PPP1R9A: variants seen among roughly 807,000 people sequenced by gnomAD.
PPP1R9A encodes the protein protein phosphatase 1 regulatory subunit 9A.
A neutral mutation model predicts 141.9 loss-of-function variants in PPP1R9A; 59 were observed. The ratio of observed to expected loss-of-function variants is 0.42; its 90% CI spans 0.34 to 0.52. PPP1R9A has a LOEUF of 0.52. Ranked by LOEUF, PPP1R9A falls within the 20% of genes least tolerant of loss-of-function variation. The pLI is 0.10. For missense variants in PPP1R9A, 1,444 were observed against 1,611.9 expected (o/e 0.90, Z 1.78); for synonymous variants, 500 against 569.7 (o/e 0.88, Z 1.74).
chr7:94,966,928 G>A lies in PPP1R9A; in HGVS notation c.1395+55420G>A, dbSNP rs114560598. 4.3e-3 allele frequency among the ~76,000 whole-genome samples: 649 copies of A among 152,240 alleles called. 4 individuals carry two copies. The highest frequency in any genetic ancestry group is 0.015 in the African/African-American group (633 of 41,546). Reference sequence around the variant, plus strand: ...TTTGTACCTTTGGTAGCATTTGGCTGTGAATTCGTCTGGTCCTGGGCTTTT... The same window carrying A: ...TTTGTACCTTTGGTAGCATTTGGCTATGAATTCGTCTGGTCCTGGGCTTTT... On this transcript the variant is annotated intron_variant, in intron 2 of 19. Transcript: ENST00000433360.
chr7:95,211,804 T>C (rs1792193210), intron 7 of PPP1R9A, among the ~76,000 whole-genome samples: 1 of 151,996 alleles, frequency 6.6e-6, no homozygotes, highest in Admixed American at 6.6e-5. Flanking sequence ...CTGGACAACA[T>C]AGCAAGACGT....
At chr7:95,080,097 G>A (rs1012075439) in intron 2 of PPP1R9A, among the ~76,000 whole-genome samples, 1 of 152,128 alleles carries the variant, frequency 6.6e-6, no homozygotes, top group African/African-American at 2.4e-5. Flanking sequence ...GGGCAATTAG[G>A]CAGGAGAAGG....
chr7:95,103,225 TAAA>T (rs3045898), intron 2 of PPP1R9A, among the ~76,000 whole-genome samples: 2 of 151,508 alleles, frequency 1.3e-5, no homozygotes, highest in African/African-American at 2.4e-5. Context: ...ATAGTATGTA[TAAA>T]AAAAACACAT....
At chr7:95,279,150 A>C (rs1803698240) in intron 16 of PPP1R9A, among the ~76,000 whole-genome samples, 1 of 152,218 alleles carries the variant, frequency 6.6e-6, no homozygotes, top group Non-Finnish European at 1.5e-5. Flanking sequence ...TGAATGGGCT[A>C]TATGGATTAT....
At chr7:94,974,723 G>C (rs1799239521) in intron 2 of PPP1R9A, among the ~76,000 whole-genome samples, 2 of 152,160 alleles carry the variant, frequency 1.3e-5, no homozygotes, top group South Asian at 4.1e-4. Context: ...CCACAGTCAA[G>C]CTGGTCTTGA....
intron 2 of PPP1R9A, among the ~76,000 whole-genome samples, chr7:95,030,706 A>C (rs1807551052): frequency 6.6e-6 from 1 of 152,128 alleles, no homozygotes; most frequent in Non-Finnish European, 1.5e-5. Flanking sequence ...TACATGCATA[A>C]AGCTGCCAGT....
intron 2 of PPP1R9A, among the ~76,000 whole-genome samples, chr7:95,056,796 T>C (rs1035318049): frequency 2.0e-5 from 3 of 152,088 alleles, no homozygotes; most frequent in Admixed American, 6.5e-5. Context: ...AGGTATTTGC[T>C]TTAGGAGAAG....
At chr7:94,986,051 TATA>T in intron 2 of PPP1R9A, among the ~76,000 whole-genome samples, 1 of 152,252 alleles carries the variant, frequency 6.6e-6, no homozygotes, top group African/African-American at 2.4e-5. Context: ...AAGCAAAAAA[TATA>T]ATGGAGAAAA....
At chr7:94,923,188 A>G (rs11978886) in intron 2 of PPP1R9A, among the ~76,000 whole-genome samples, 3,449 of 152,288 alleles carry the variant, frequency 0.023, 129 homozygotes, top group African/African-American at 0.079. Context: ...GTGATTATAT[A>G]GCATTTGCAT....
chr7:94,915,748 A>G (rs1007949682), intron 2 of PPP1R9A, among the ~76,000 whole-genome samples: 1 of 152,154 alleles, frequency 6.6e-6, no homozygotes, highest in Non-Finnish European at 1.5e-5. Context: ...CTTCCCCATT[A>G]ATGATGTGGT....
chr7:95,152,395 CTTCT>C (rs1295222938), intron 4 of PPP1R9A, among the ~76,000 whole-genome samples: 13 of 152,092 alleles, frequency 8.5e-5, no homozygotes, highest in African/African-American at 3.1e-4. Context: ...TCCATGCATT[CTTCT>C]TTCTAATTTA....
At chr7:95,192,107 A>G (rs1343575362) in intron 5 of PPP1R9A, among the ~76,000 whole-genome samples, 2 of 152,056 alleles carry the variant, frequency 1.3e-5, no homozygotes, top group Non-Finnish European at 2.9e-5. Context: ...AGCACATCTG[A>G]GATTAAAGAT....
intron 4 of PPP1R9A, among the ~76,000 whole-genome samples, chr7:95,124,243 A>C (rs1054528759): frequency 6.6e-6 from 1 of 152,168 alleles, no homozygotes; most frequent in Non-Finnish European, 1.5e-5. Flanking sequence ...CCTCTAGTCA[A>C]TAATACATTT....
chr7:95,074,475 T>G (rs990363793), intron 2 of PPP1R9A, among the ~76,000 whole-genome samples: 16 of 112,612 alleles, frequency 1.4e-4, no homozygotes, highest in African/African-American at 4.0e-4. Context: ...GTTTTTTTTT[T>G]TTTTGTTGTT....
chr7:95,163,762 C>T (rs1029279852), intron 5 of PPP1R9A, among the ~76,000 whole-genome samples: 1 of 151,856 alleles, frequency 6.6e-6, no homozygotes, highest in African/African-American at 2.4e-5. Flanking sequence ...TTTTTTGAGA[C>T]AGAGTCTTGC....
chr7:94,945,301 CA>C (rs1466387732), intron 2 of PPP1R9A, among the ~76,000 whole-genome samples: 1 of 151,978 alleles, frequency 6.6e-6, no homozygotes, highest in African/African-American at 2.4e-5. Context: ...GGCTTGTTTT[CA>C]TGACATATAC....
chr7:95,109,359 T>C (rs1229919088), intron 2 of PPP1R9A, among the ~76,000 whole-genome samples: 1 of 152,230 alleles, frequency 6.6e-6, no homozygotes, highest in Non-Finnish European at 1.5e-5. Context: ...TTGATTTCTG[T>C]GTCCTTCCTA....
chr7:95,028,284 A>G (rs1384214521), intron 2 of PPP1R9A, among the ~76,000 whole-genome samples: 1 of 152,184 alleles, frequency 6.6e-6, no homozygotes, highest in Admixed American at 6.6e-5. Context: ...AAAGTTGGAC[A>G]AACAGAAAGC....
chr7:95,241,239 G>A (rs1797410894), intron 8 of PPP1R9A, among the ~76,000 whole-genome samples: 1 of 152,140 alleles, frequency 6.6e-6, no homozygotes. Context: ...CCATGCATCA[G>A]CCACCTTCCT....
Sources: allele counts gnomAD v4.1 joint callset (sites outside exome capture counted in the v4.1 genomes callset), GRCh38; gene constraint gnomAD v4.1.1; transcripts MANE v1.5; gene names NCBI Gene and HGNC (gene_info 2026-07-23, HGNC 2026-07-21).